SLIT3: variants seen among roughly 807,000 people sequenced by gnomAD.
SLIT3 encodes the protein slit homolog 3 protein.
Under a neutral mutation model 184.0 loss-of-function variants are expected in SLIT3, and 68 were observed. The ratio of observed to expected loss-of-function variants is 0.37; its 90% CI spans 0.30 to 0.45. The LOEUF is 0.45. Ranked by LOEUF, SLIT3 falls within the 20% of genes least tolerant of loss-of-function variation. The pLI is 1.00. For synonymous variants in SLIT3, 831 were observed against 828.6 expected (o/e 1.00, Z -0.05); for missense variants, 1,707 against 2,026.0 (o/e 0.84, Z 3.02).
chr5:169,246,265 T>G (rs551370128), intron 2 of SLIT3, among the ~76,000 whole-genome samples: 4 of 152,222 alleles, frequency 2.6e-5, no homozygotes, highest in African/African-American at 9.6e-5. Flanking sequence ...TCTGCTCTGC[T>G]TCTCACATTT....
At chr5:168,807,966 A>G (rs1403642149) in intron 8 of SLIT3, among the ~76,000 whole-genome samples, 1 of 152,154 alleles carries the variant, frequency 6.6e-6, no homozygotes, top group Non-Finnish European at 1.5e-5. Flanking sequence ...TCTACAGCTT[A>G]ATTTGGAACG....
chr5:169,123,869 C>G (rs984757230), intron 4 of SLIT3, among the ~76,000 whole-genome samples: 1 of 151,964 alleles, frequency 6.6e-6, no homozygotes, highest in Admixed American at 6.6e-5. Context: ...TTCTAGGGGG[C>G]CAAAAAACCA....
intron 1 of SLIT3, among the ~76,000 whole-genome samples, chr5:169,277,844 A>G (rs1232228005): frequency 6.6e-6 from 1 of 152,214 alleles, no homozygotes; most frequent in African/African-American, 2.4e-5. Flanking sequence ...ACTGTTTTCC[A>G]CAGCAGCTGC....
intron 4 of SLIT3, among the ~76,000 whole-genome samples, chr5:169,192,457 A>G (rs558665104): frequency 3.9e-5 from 5 of 128,998 alleles, no homozygotes; most frequent in East Asian, 2.8e-4. Context: ...GTGTGTGTGT[A>G]TAGACATATA....
At chr5:169,100,221 G>A (rs536135431) in intron 4 of SLIT3, among the ~76,000 whole-genome samples, 2 of 152,264 alleles carry the variant, frequency 1.3e-5, no homozygotes, top group African/African-American at 2.4e-5. Context: ...TGGTGAACAT[G>A]GAATCCCCTT....
chr5:168,898,154 T>C (rs1339951305), intron 4 of SLIT3, among the ~76,000 whole-genome samples: 1 of 128,984 alleles, frequency 7.8e-6, no homozygotes, highest in Non-Finnish European at 1.9e-5. Context: ...CTGCCCATCC[T>C]CTAGTATCTT....
At chr5:169,062,870 A>T (rs1758224603) in intron 4 of SLIT3, among the ~76,000 whole-genome samples, 1 of 152,178 alleles carries the variant, frequency 6.6e-6, no homozygotes, top group Non-Finnish European at 1.5e-5. Flanking sequence ...GGGAAGAAAA[A>T]GACCTTTAAC....
chr5:168,728,540 A>G (rs1361349571), intron 20 of SLIT3, among the ~76,000 whole-genome samples: 1 of 152,124 alleles, frequency 6.6e-6, no homozygotes, highest in East Asian at 1.9e-4. Flanking sequence ...ATGCAAGAGA[A>G]ATCTGAAAAC....
At chr5:169,298,867 T>C (rs779439175) in intron 1 of SLIT3, among the ~76,000 whole-genome samples, 1 of 152,196 alleles carries the variant, frequency 6.6e-6, no homozygotes, top group Admixed American at 6.5e-5. Flanking sequence ...ATAATACATA[T>C]ACACAAATCA....
intron 4 of SLIT3, among the ~76,000 whole-genome samples, chr5:169,052,842 T>A (rs962157711): frequency 6.6e-6 from 1 of 152,150 alleles, no homozygotes; most frequent in Non-Finnish European, 1.5e-5. Context: ...TGCCTGCAAA[T>A]TCAATCGGCC....
chr5:168,844,698 G>C, intron 5 of SLIT3, 43 bp from the exon 6 acceptor site: 1 of 1,594,762 alleles, frequency 6.3e-7, no homozygotes, highest in Non-Finnish European at 8.6e-7. Flanking sequence ...AGCGGGGGCA[G>C]CGTGAGGGGC....
intron 4 of SLIT3, among the ~76,000 whole-genome samples, chr5:169,143,675 C>T (rs1031218705): frequency 3.3e-5 from 5 of 152,174 alleles, no homozygotes; most frequent in Admixed American, 6.5e-5. Context: ...GTGGTGCATG[C>T]CTGTAATCCC....
intron 4 of SLIT3, among the ~76,000 whole-genome samples, chr5:168,962,349 C>CACACACACACG (rs1561576430): frequency 9.2e-5 from 14 of 152,036 alleles, no homozygotes; most frequent in African/African-American, 3.1e-4. Context: ...CACACACACA[C>CACACACACACG]AGTGGTACCC....
chr5:168,911,163 T>A (rs1761239323), intron 4 of SLIT3, among the ~76,000 whole-genome samples: 1 of 152,198 alleles, frequency 6.6e-6, no homozygotes, highest in African/African-American at 2.4e-5. Flanking sequence ...ATACTGCACG[T>A]TAATTAAATA....
Position 169,193,040 on chromosome 5 carries a change from G to A in SLIT3, c.413+439C>T, listed in dbSNP as rs183506335. ...TCCTAGACTGGCAGCGCTAGGAAGT[G>A]GGAAAAAGGCAGGAGCTGCTTCAAC... On this transcript the variant is annotated intron_variant, in intron 4 of 35. Transcript: ENST00000519560. Among the ~76,000 whole-genome samples the A allele has an allele frequency of 1.6e-3, 250 of 152,284 alleles. 2 individuals carry two copies. The highest frequency in any genetic ancestry group is 5.7e-3 in the African/African-American group (238 of 41,560).
chr5:169,000,328 G>A (rs11956979), intron 4 of SLIT3, among the ~76,000 whole-genome samples: 2,098 of 140,610 alleles, frequency 0.015, 75 homozygotes, highest in African/African-American at 0.054. Flanking sequence ...GGAGGCAGAG[G>A]TTGCAGTGAG....
At chr5:168,674,220 G>C (rs974108754) in intron 32 of SLIT3, among the ~76,000 whole-genome samples, 12 of 152,132 alleles carry the variant, frequency 7.9e-5, no homozygotes, top group African/African-American at 2.9e-4. Context: ...ACAGAAATGA[G>C]GAAACGGTAG....
Position 168,823,378 on chromosome 5 carries a change from A to T in SLIT3, c.558-47T>A, listed in dbSNP as rs199564453. ...ATGGTCAGCCAGGCAGCAGCAGGGG[A>T]GGCACCAAGATGCTTGTAGTAGGTC... is the stretch of plus-strand genomic sequence containing the variant. On this transcript the variant is annotated intron_variant, in intron 6 of 35. Coordinates refer to ENST00000519560, the MANE Select transcript of SLIT3 (RefSeq NM_003062.4). 9.4e-5 allele frequency: 131 copies of T among 1,396,384 alleles called. No homozygotes were observed. The African/African-American group carries it at 1.7e-3, about 18-fold the overall frequency. The allele number at this position is 1,396,384 out of a possible 1,614,324, so 86.5% of individuals were successfully genotyped here. A position where few individuals can be genotyped will look rare whatever the true frequency, so the allele number is the denominator to read the frequency against.
chr5:168,680,906 T>A (rs942245612), intron 32 of SLIT3, among the ~76,000 whole-genome samples: 5 of 151,712 alleles, frequency 3.3e-5, no homozygotes, highest in African/African-American at 1.2e-4. Context: ...ATCCCAGCAC[T>A]TTGCGAGGCC....
Sources: gnomAD v4.1 joint callset for allele counts (sites outside exome capture counted in the v4.1 genomes callset) on GRCh38, gnomAD v4.1.1 for gene constraint, MANE v1.5 for transcripts, NCBI Gene and HGNC (gene_info 2026-07-23, HGNC 2026-07-21) for gene names.